The following RTL4 variants were observed in gnomAD, a reference collection of about 807,000 sequenced individuals.
The protein encoded by RTL4 is retrotransposon Gag-like protein 4.
In RTL4, 4 loss-of-function variants were observed where a neutral mutation model predicts 5.3. The ratio of observed to expected loss-of-function variants is 0.75; its 90% CI spans 0.37 to 1.72. The LOEUF (loss-of-function observed/expected upper bound fraction) is 1.72, where lower values mean the gene tolerates loss of function less well. Among genes scored for constraint, RTL4 ranks in the 40% most tolerant of loss-of-function variants. The pLI, the probability that RTL4 is intolerant of heterozygous loss-of-function variation, is 0.04. For missense variants in RTL4, 260 were observed against 227.1 expected (o/e 1.14, Z -0.93); for synonymous variants, 98 against 87.3 (o/e 1.12, Z -0.68).
the RTL4 span, among the ~76,000 whole-genome samples, chrX:112,305,071 C>T: frequency 9.0e-6 from 1 of 110,732 alleles, no homozygotes; most frequent in Non-Finnish European, 1.9e-5. Flanking sequence ...GCAGATTCTC[C>T]ATAACATAAG....
At chrX:112,121,669 A>G in the RTL4 span, among the ~76,000 whole-genome samples, 1 of 111,749 alleles carries the variant, frequency 8.9e-6, no homozygotes, top group Admixed American at 9.5e-5. Flanking sequence ...CCATTAATAT[A>G]GGTAAAATAT....
the RTL4 span, among the ~76,000 whole-genome samples, chrX:112,190,864 T>G: frequency 3.6e-5 from 4 of 111,831 alleles, no homozygotes; most frequent in African/African-American, 1.3e-4. Flanking sequence ...ACATGGTAAT[T>G]GATGGTGGTA....
chrX:112,368,872 C>T, the RTL4 span, among the ~76,000 whole-genome samples: 954 of 112,278 alleles, frequency 8.5e-3, 16 homozygotes, highest in African/African-American at 0.03. Context: ...TTATTAGAAT[C>T]CACCAATTAA....
the RTL4 span, among the ~76,000 whole-genome samples, chrX:112,163,599 G>A: frequency 8.9e-6 from 1 of 111,947 alleles, no homozygotes; most frequent in Admixed American, 9.5e-5. Flanking sequence ...CTTTACAATG[G>A]TGGTCACATT....
At chrX:112,100,011 G>C in the RTL4 span, among the ~76,000 whole-genome samples, 1 of 111,922 alleles carries the variant, frequency 8.9e-6, no homozygotes, top group Admixed American at 9.5e-5. Flanking sequence ...GAAGAAAGTA[G>C]GTTTCAGAGG....
At chrX:112,403,989 T>C in the RTL4 span, among the ~76,000 whole-genome samples, 1 of 112,115 alleles carries the variant, frequency 8.9e-6, no homozygotes, top group Non-Finnish European at 1.9e-5. Flanking sequence ...CAAAAGGTGC[T>C]CATTTCTTAA....
the RTL4 span, among the ~76,000 whole-genome samples, chrX:112,116,392 C>T: frequency 9.0e-6 from 1 of 110,668 alleles, no homozygotes; most frequent in Non-Finnish European, 1.9e-5. Flanking sequence ...GGGTGAGCAG[C>T]AGCAAGATTT....
chrX:112,438,927 G>A, the RTL4 span, among the ~76,000 whole-genome samples: 8 of 111,771 alleles, frequency 7.2e-5, no homozygotes, highest in Non-Finnish European at 1.1e-4. Flanking sequence ...TGTTAAACTC[G>A]GAAGCCCTAA....
At chrX:112,154,152 G>A in the RTL4 span, among the ~76,000 whole-genome samples, 6 of 110,540 alleles carry the variant, frequency 5.4e-5, no homozygotes, top group East Asian at 5.7e-4. Context: ...TTTATTTACC[G>A]TACTTTTCAA....
the RTL4 span, among the ~76,000 whole-genome samples, chrX:112,333,594 C>T: frequency 9.0e-6 from 1 of 111,295 alleles, no homozygotes; most frequent in Non-Finnish European, 1.9e-5. Context: ...GGCTGAGCAT[C>T]CCAAATCTGA....
the RTL4 span, among the ~76,000 whole-genome samples, chrX:112,253,983 T>C: frequency 2.8e-3 from 315 of 112,234 alleles, no homozygotes; most frequent in Admixed American, 6.8e-3. Flanking sequence ...AAATCCCCAC[T>C]TACCCTTGCT....
At chrX:112,184,240 A>G in the RTL4 span, among the ~76,000 whole-genome samples, 1 of 108,791 alleles carries the variant, frequency 9.2e-6, no homozygotes, top group Non-Finnish European at 1.9e-5. Context: ...ATTAGGAGAT[A>G]TATCTAATGT....
the RTL4 span, among the ~76,000 whole-genome samples, chrX:112,125,391 A>G: frequency 4.5e-5 from 5 of 111,688 alleles, no homozygotes; most frequent in African/African-American, 9.8e-5. Context: ...CCTCACACAC[A>G]CAATTCCACA....
At chrX:112,304,448 T>A in the RTL4 span, among the ~76,000 whole-genome samples, 1 of 110,477 alleles carries the variant, frequency 9.1e-6, no homozygotes, top group Non-Finnish European at 1.9e-5. Context: ...TGCAGTTTTA[T>A]TACCGATTTA....
chrX:112,083,338 G>T, the RTL4 span, among the ~76,000 whole-genome samples: 52 of 112,521 alleles, frequency 4.6e-4, 1 homozygote, highest in East Asian at 7.4e-3. Context: ...CCTGGGCTCT[G>T]GGCCGGTGGT....
At chrX:112,384,210 G>C in the RTL4 span, among the ~76,000 whole-genome samples, 1 of 111,911 alleles carries the variant, frequency 8.9e-6, no homozygotes, top group Admixed American at 9.5e-5. Context: ...CTTAAAGTTT[G>C]ATTAGATCCC....
the RTL4 span, among the ~76,000 whole-genome samples, chrX:112,446,251 T>C: frequency 8.9e-6 from 1 of 112,200 alleles, no homozygotes; most frequent in East Asian, 2.8e-4. Context: ...TTTGTTTTAT[T>C]CTAAATTCTT....
chrX:112,270,048 T>C, the RTL4 span, among the ~76,000 whole-genome samples: 10 of 112,296 alleles, frequency 8.9e-5, no homozygotes, highest in African/African-American at 3.2e-4. Flanking sequence ...ATTGGCAACA[T>C]CCTAAGAAAG....
the RTL4 span, among the ~76,000 whole-genome samples, chrX:112,424,885 A>T: frequency 3.6e-5 from 4 of 110,890 alleles, no homozygotes; most frequent in African/African-American, 1.3e-4. Context: ...AACATCCTGC[A>T]CCATAGTGGT....
Sources: allele counts gnomAD v4.1 joint callset (sites outside exome capture counted in the v4.1 genomes callset), GRCh38; gene constraint gnomAD v4.1.1; transcripts MANE v1.5; gene names NCBI Gene and HGNC (gene_info 2026-07-23, HGNC 2026-07-21).